Variants in QTMAN observed in about 807,000 individuals in gnomAD.
The protein encoded by QTMAN is tRNA-queuosine alpha-mannosyltransferase.
the QTMAN span, among the ~76,000 whole-genome samples, chr2:144,306,344 G>A: frequency 1.3e-5 from 2 of 152,238 alleles, no homozygotes; most frequent in East Asian, 1.9e-4. Flanking sequence ...AACAAAATAC[G>A]ATATAGACTG....
the QTMAN span, among the ~76,000 whole-genome samples, chr2:144,152,480 A>G: frequency 8.5e-5 from 13 of 152,230 alleles, no homozygotes; most frequent in African/African-American, 3.1e-4. Flanking sequence ...AATCCATAAA[A>G]GACACTTTGT....
the QTMAN span, chr2:144,177,105 A>T: frequency 1.4e-6 from 1 of 700,006 alleles, no homozygotes; most frequent in Non-Finnish European, 2.6e-6. Flanking sequence ...ATCCACCTCC[A>T]TGATCCAATC....
the QTMAN span, chr2:143,970,805 C>A: frequency 9.2e-7 from 1 of 1,086,840 alleles, no homozygotes; most frequent in South Asian, 1.3e-5. Flanking sequence ...TACCTTAGGG[C>A]ATGTGTTAGG....
the QTMAN span, among the ~76,000 whole-genome samples, chr2:144,291,279 C>T: frequency 1.3e-5 from 2 of 152,152 alleles, no homozygotes; most frequent in Admixed American, 6.5e-5. Context: ...GGAGTTAGGA[C>T]TTCTACATTT....
At chr2:143,970,857 T>G in the QTMAN span, 14 of 708,492 alleles carry the variant, frequency 2.0e-5, no homozygotes, top group East Asian at 3.6e-4. Context: ...TTTTTCATGG[T>G]CTACTGCTGG....
At chr2:144,239,596 G>A in the QTMAN span, among the ~76,000 whole-genome samples, 1 of 152,142 alleles carries the variant, frequency 6.6e-6, no homozygotes, top group Non-Finnish European at 1.5e-5. Context: ...AAGCTTCTTT[G>A]GTTAGGGGTG....
the QTMAN span, among the ~76,000 whole-genome samples, chr2:144,071,228 T>A: frequency 6.7e-6 from 1 of 149,264 alleles, no homozygotes; most frequent in South Asian, 2.1e-4. Flanking sequence ...TTGGAATAAA[T>A]AACATGGGAA....
chr2:143,991,143 G>T, the QTMAN span, among the ~76,000 whole-genome samples: 3 of 152,054 alleles, frequency 2.0e-5, no homozygotes, highest in East Asian at 5.8e-4. Flanking sequence ...TCCAGATCCA[G>T]ATTCCAAAAG....
chr2:144,023,436 T>C, the QTMAN span, among the ~76,000 whole-genome samples: 382 of 152,330 alleles, frequency 2.5e-3, 1 homozygote, highest in African/African-American at 8.8e-3. Context: ...GAAAAATAAT[T>C]AGAAGAAAAA....
the QTMAN span, among the ~76,000 whole-genome samples, chr2:144,202,366 T>C: frequency 6.6e-6 from 1 of 152,148 alleles, no homozygotes; most frequent in East Asian, 1.9e-4. Context: ...TATAAACAAA[T>C]AAATGTTGGA....
chr2:144,270,989 C>T, the QTMAN span, among the ~76,000 whole-genome samples: 5 of 152,156 alleles, frequency 3.3e-5, no homozygotes, highest in Non-Finnish European at 7.4e-5. Context: ...GAGCGGGGTT[C>T]ACTTTCTCTA....
chr2:144,201,662 C>T, the QTMAN span, among the ~76,000 whole-genome samples: 13 of 152,306 alleles, frequency 8.5e-5, no homozygotes, highest in South Asian at 2.3e-3. Context: ...ATCACCAGTG[C>T]TAGCATAGGC....
the QTMAN span, among the ~76,000 whole-genome samples, chr2:144,014,003 C>G: frequency 6.6e-6 from 1 of 152,152 alleles, no homozygotes; most frequent in South Asian, 2.1e-4. Context: ...CACAGACACC[C>G]CCATTCCTCC....
At chr2:144,080,003 A>T in the QTMAN span, among the ~76,000 whole-genome samples, 1 of 152,080 alleles carries the variant, frequency 6.6e-6, no homozygotes, top group Non-Finnish European at 1.5e-5. Flanking sequence ...CTCAATTAAA[A>T]TTTTCCATAC....
chr2:144,070,549 G>T, the QTMAN span, among the ~76,000 whole-genome samples: 2 of 151,990 alleles, frequency 1.3e-5, no homozygotes, highest in African/African-American at 4.8e-5. Context: ...ATAAAAGGAA[G>T]AACATAAAAT....
the QTMAN span, among the ~76,000 whole-genome samples, chr2:144,190,294 A>G: frequency 6.6e-6 from 1 of 152,120 alleles, no homozygotes; most frequent in Non-Finnish European, 1.5e-5. Flanking sequence ...GTCCTTGCTC[A>G]CTCGTTCAAA....
At chr2:143,992,786 T>C in the QTMAN span, among the ~76,000 whole-genome samples, 2 of 151,766 alleles carry the variant, frequency 1.3e-5, no homozygotes, top group South Asian at 2.1e-4. Context: ...AAGAAAGAGG[T>C]AGATATGTGG....
the QTMAN span, among the ~76,000 whole-genome samples, chr2:144,157,889 G>C: frequency 2.6e-5 from 4 of 151,930 alleles, no homozygotes; most frequent in East Asian, 3.9e-4. Flanking sequence ...AAACTAGATG[G>C]CATCCTGCTC....
the QTMAN span, among the ~76,000 whole-genome samples, chr2:144,181,849 G>A: frequency 6.6e-6 from 1 of 152,020 alleles, no homozygotes; most frequent in Non-Finnish European, 1.5e-5. Context: ...AATAACTTAT[G>A]TGACAGTTAT....
Sources: gnomAD v4.1 joint callset for allele counts (sites outside exome capture counted in the v4.1 genomes callset) on GRCh38, gnomAD v4.1.1 for gene constraint, MANE v1.5 for transcripts, NCBI Gene and HGNC (gene_info 2026-07-23, HGNC 2026-07-21) for gene names.